IQGAP2: variants seen among roughly 807,000 people sequenced by gnomAD.
IQGAP2 encodes the protein ras GTPase-activating-like protein IQGAP2.
Under a neutral mutation model 201.3 loss-of-function variants are expected in IQGAP2, and 173 were observed. The ratio of observed to expected loss-of-function variants is 0.86; its 90% CI spans 0.76 to 0.98. IQGAP2 has a LOEUF of 0.98. IQGAP2 is among the 50% of genes least tolerant of loss of function. The pLI is 0.00. For synonymous variants in IQGAP2, 675 were observed against 673.9 expected, an observed-to-expected ratio of 1.00 and a Z score of -0.03; for missense variants, 1,687 against 1,864.8, an observed-to-expected ratio of 0.90 and a Z score of 1.76.
At chr5:76,517,890 C>A (rs941222398) in intron 2 of IQGAP2, among the ~76,000 whole-genome samples, 1 of 152,082 alleles carries the variant, frequency 6.6e-6, no homozygotes, top group African/African-American at 2.4e-5. Context: ...CTGTATTAGT[C>A]CATTTTCACG....
chr5:76,587,443 ACTTG>A (rs1746328204), intron 5 of IQGAP2, among the ~76,000 whole-genome samples: 1 of 152,226 alleles, frequency 6.6e-6, no homozygotes, highest in Non-Finnish European at 1.5e-5. Flanking sequence ...AATGCTCAGC[ACTTG>A]CTTAAGAAAA....
chr5:76,618,565 A>G (rs766905464), intron 13 of IQGAP2: 2 of 1,614,098 alleles, frequency 1.2e-6, no homozygotes, highest in Non-Finnish European at 1.7e-6. Context: ...AACTCTTCAA[A>G]AGAATTTGGG....
intron 6 of IQGAP2, 60 bp downstream of exon 6, chr5:76,589,033 G>A: frequency 2.5e-6 from 3 of 1,203,854 alleles, no homozygotes; most frequent in Non-Finnish European, 3.6e-6. Context: ...CCAATACCTG[G>A]CCGGGCGTGG....
chr5:76,463,401 T>C (rs1754600392), intron 2 of IQGAP2, among the ~76,000 whole-genome samples: 1 of 152,124 alleles, frequency 6.6e-6, no homozygotes, highest in Non-Finnish European at 1.5e-5. Context: ...CTGTGGGAAG[T>C]TCAATTTGTC....
intron 2 of IQGAP2, among the ~76,000 whole-genome samples, chr5:76,553,336 A>G (rs1299235773): frequency 4.6e-5 from 7 of 152,222 alleles, no homozygotes; most frequent in African/African-American, 1.7e-4. Flanking sequence ...TTGACTTGTG[A>G]TACTTGAAAG....
intron 2 of IQGAP2, among the ~76,000 whole-genome samples, chr5:76,474,050 G>A (rs979974010): frequency 6.6e-6 from 1 of 152,166 alleles, no homozygotes; most frequent in Admixed American, 6.5e-5. Context: ...AATGTAGAGC[G>A]ATCTTCCATT....
chr5:76,496,485 G>T (rs1756896117), intron 2 of IQGAP2, among the ~76,000 whole-genome samples: 1 of 152,178 alleles, frequency 6.6e-6, no homozygotes, highest in African/African-American at 2.4e-5. Flanking sequence ...ATGATGCAAG[G>T]TAATCACAAG....
intron 5 of IQGAP2, among the ~76,000 whole-genome samples, chr5:76,580,095 G>A (rs995072567): frequency 6.6e-6 from 1 of 151,942 alleles, no homozygotes; most frequent in Non-Finnish European, 1.5e-5. Flanking sequence ...GGCCATGATG[G>A]TGAAACCTCA....
intron 2 of IQGAP2, chr5:76,510,593 G>T: frequency 2.0e-6 from 1 of 493,462 alleles, no homozygotes; most frequent in Non-Finnish European, 4.1e-6. Context: ...CCCAGACAGT[G>T]TGCCATCGAT....
intron 1 of IQGAP2, among the ~76,000 whole-genome samples, chr5:76,430,431 C>T (rs968268172): frequency 6.6e-6 from 1 of 152,212 alleles, no homozygotes; most frequent in Non-Finnish European, 1.5e-5. Context: ...CGAGTTGACC[C>T]TTCATGGAGC....
intron 13 of IQGAP2, chr5:76,617,511 A>G: frequency 8.5e-7 from 1 of 1,177,352 alleles, no homozygotes; most frequent in Non-Finnish European, 1.2e-6. Flanking sequence ...AGCTCCTTGC[A>G]CTATGCTTAT....
chr5:76,474,611 C>G (rs1428610093), intron 2 of IQGAP2, among the ~76,000 whole-genome samples: 1 of 152,146 alleles, frequency 6.6e-6, no homozygotes, highest in African/African-American at 2.4e-5. Flanking sequence ...TTGTAATACA[C>G]AGCTTTTCCT....
At chr5:76,660,733 C>G (rs3797439) in intron 21 of IQGAP2, among the ~76,000 whole-genome samples, 3 of 151,982 alleles carry the variant, frequency 2.0e-5, no homozygotes, top group Non-Finnish European at 4.4e-5. Context: ...CATTTTTTAG[C>G]GGTTAAATTA....
rs62364800 is a variant in IQGAP2 at position 76,487,987 on chromosome 5, G to T, written c.146+26318G>T. Among the ~76,000 whole-genome samples, 527 of 152,322 alleles carry T rather than the reference G, an allele frequency of 3.5e-3. 2 individuals carry two copies. Among genetic ancestry groups the T allele is most frequent in the Non-Finnish European group, 5.7e-3 (391 of 68,024 alleles). ...AGTTTAGGGCTGACTGGAGTTGTAG[G>T]ACATGGGAGCCTATCCTCACATCTG... On this transcript the variant is annotated intron_variant, in intron 2 of 35. Transcript: ENST00000274364.
intron 1 of IQGAP2, among the ~76,000 whole-genome samples, chr5:76,406,430 A>G (rs1750799402): frequency 1.3e-5 from 2 of 152,254 alleles, no homozygotes; most frequent in African/African-American, 4.8e-5. Context: ...TCAGTAACAC[A>G]ATTCTGAAGG....
chr5:76,575,599 A>T (rs1745418389), intron 4 of IQGAP2, 94 bp from the exon 5 acceptor site: 1 of 626,268 alleles, frequency 1.6e-6, no homozygotes, highest in Non-Finnish European at 2.7e-6. Flanking sequence ...TAATTATAGG[A>T]TAGCAAGGAC....
intron 2 of IQGAP2, among the ~76,000 whole-genome samples, chr5:76,555,352 G>A (rs1035925428): frequency 9.2e-5 from 14 of 152,192 alleles, no homozygotes; most frequent in African/African-American, 3.4e-4. Context: ...TAATTACACA[G>A]TCATATTGAA....
intron 2 of IQGAP2, among the ~76,000 whole-genome samples, chr5:76,536,985 T>A (rs939382092): frequency 6.6e-6 from 1 of 152,212 alleles, no homozygotes; most frequent in African/African-American, 2.4e-5. Context: ...TTTGGTAGTT[T>A]GGGATATTCT....
intron 13 of IQGAP2, chr5:76,617,216 C>T (rs1266328383): frequency 2.9e-5 from 5 of 171,914 alleles, no homozygotes; most frequent in South Asian, 1.5e-4. Context: ...AGGCTGAGGC[C>T]GGAAGATCAC....
Sources: gnomAD v4.1 joint callset for allele counts (sites outside exome capture counted in the v4.1 genomes callset) on GRCh38, gnomAD v4.1.1 for gene constraint, MANE v1.5 for transcripts, NCBI Gene and HGNC (gene_info 2026-07-23, HGNC 2026-07-21) for gene names.